PAX3: variants seen among roughly 807,000 people sequenced by gnomAD.
PAX3 encodes the protein paired box 3.
A neutral mutation model predicts 51.6 loss-of-function variants in PAX3; 14 were observed. That is an observed-to-expected ratio of 0.27 (90% CI 0.18 to 0.42). The LOEUF is 0.42. Among genes scored for constraint, PAX3 ranks in the 10% least tolerant of loss-of-function variants. The pLI, the probability that PAX3 is intolerant of heterozygous loss-of-function variation, is 1.00. For synonymous variants in PAX3, 280 were observed against 253.4 expected (o/e 1.11, Z -1.00); for missense variants, 540 against 642.8 (o/e 0.84, Z 1.73).
rs575102449 is a variant in PAX3 at position 222,262,442 on chromosome 2, G to A, written c.587-30159C>T. The A allele has an allele frequency of 9.9e-5, 15 of 152,152 alleles. No homozygotes were observed. In the East Asian group the frequency reaches 2.9e-3, roughly 29 times the overall value. The allele number at this position is 152,152 out of a possible 1,614,324, so 9.4% of individuals were successfully genotyped here. On this transcript the variant is annotated intron_variant, in intron 4 of 8. Transcript: ENST00000392070. ...TTTACTAAAACTGAGCACTTGCATA[G>A]AGGAAAAATTTATAATAAAATGACA...
intron 3 of PAX3, 82 bp from the exon 4 acceptor site, chr2:222,294,383 C>T: frequency 6.6e-7 from 1 of 1,520,262 alleles, no homozygotes; most frequent in South Asian, 1.1e-5. Context: ...CCCCCACCCC[C>T]AAACACCAGC....
At chr2:222,291,097 G>A (rs922433642) in intron 4 of PAX3, among the ~76,000 whole-genome samples, 2 of 152,302 alleles carry the variant, frequency 1.3e-5, no homozygotes, top group Non-Finnish European at 2.9e-5. Flanking sequence ...GAGCACAGGA[G>A]TGGGGGCCCA....
chr2:222,249,652 G>A (rs768297661), intron 4 of PAX3, among the ~76,000 whole-genome samples: 28 of 152,260 alleles, frequency 1.8e-4, no homozygotes, highest in Non-Finnish European at 2.6e-4. Flanking sequence ...ACATGACCAC[G>A]TGACACATTG....
intron 7 of PAX3, among the ~76,000 whole-genome samples, chr2:222,204,230 A>T (rs956502304): frequency 6.6e-6 from 1 of 152,206 alleles, no homozygotes; most frequent in Non-Finnish European, 1.5e-5. Flanking sequence ...ATGGAAAATC[A>T]CTAGAATGTG....
intron 4 of PAX3, among the ~76,000 whole-genome samples, chr2:222,279,200 C>A (rs1013723162): frequency 1.3e-5 from 2 of 152,150 alleles, no homozygotes; most frequent in African/African-American, 4.8e-5. Context: ...GTGATCCGAC[C>A]GCCTGGGCCT....
intron 4 of PAX3, 140 bp downstream of exon 4, chr2:222,294,027 C>G: frequency 6.4e-7 from 1 of 1,553,336 alleles, no homozygotes; most frequent in Middle Eastern, 1.9e-4. Flanking sequence ...AGTTCCATGT[C>G]GTTACTCAGG....
In PAX3 at chr2:222,201,973, G is replaced by C; in HGVS notation, c.1391C>G (p.Thr464Arg). The change falls in exon 8 of 9, where the codon ACA (threonine) becomes AGA (arginine). Residue 464 changes from threonine to arginine, a missense_variant. This residue lies in a region of PAX3 where 427 missense variants were observed against 483.6 expected (regional missense o/e 0.88). Transcript: ENST00000392070. ...STTGYSMDPV[T>R]GYQYGQYGQS... ...TCCATACTGCCCATATTGGTAGCCT[G>C]TGACAGGGTCCATACTGTAGCCTGT... 1 of 1,614,086 alleles carries C rather than the reference G, an allele frequency of 6.2e-7. No homozygotes were observed. The highest frequency in any genetic ancestry group is 8.5e-7 in the Non-Finnish European group (1 of 1,179,998).
chr2:222,224,490 A>G (rs149750736), intron 5 of PAX3, among the ~76,000 whole-genome samples: 120 of 152,312 alleles, frequency 7.9e-4, no homozygotes, highest in African/African-American at 2.6e-3. Context: ...ATTAAAGGAA[A>G]AACACACTAA....
intron 5 of PAX3, among the ~76,000 whole-genome samples, chr2:222,231,245 C>T (rs913915158): frequency 3.9e-5 from 6 of 152,208 alleles, no homozygotes; most frequent in Non-Finnish European, 8.8e-5. Context: ...CTGGAAATAA[C>T]ACACAATATT....
chr2:222,283,131 T>C (rs369259082), intron 4 of PAX3, among the ~76,000 whole-genome samples: 1 of 152,234 alleles, frequency 6.6e-6, no homozygotes, highest in East Asian at 1.9e-4. Flanking sequence ...TGCCAAATGG[T>C]GCTGTCAGAT....
intron 4 of PAX3, among the ~76,000 whole-genome samples, chr2:222,275,478 G>A (rs567168553): frequency 2.5e-4 from 36 of 145,994 alleles, no homozygotes; most frequent in Non-Finnish European, 3.9e-4. Context: ...TGCATTTTAC[G>A]TTGTTAATTT....
At chr2:222,269,485 C>T (rs775154364) in intron 4 of PAX3, among the ~76,000 whole-genome samples, 6 of 152,148 alleles carry the variant, frequency 3.9e-5, no homozygotes, top group Non-Finnish European at 5.9e-5. Flanking sequence ...GTCACCATGG[C>T]TAAAGGCTTC....
At chr2:222,215,567 TG>T (rs1691922086) in intron 7 of PAX3, among the ~76,000 whole-genome samples, 1 of 151,784 alleles carries the variant, frequency 6.6e-6, no homozygotes, top group African/African-American at 2.4e-5. Flanking sequence ...ATGTGTGTCT[TG>T]GGGGTAGGGG....
At chr2:222,276,565 C>A (rs1694428821) in intron 4 of PAX3, among the ~76,000 whole-genome samples, 1 of 152,180 alleles carries the variant, frequency 6.6e-6, no homozygotes, top group South Asian at 2.1e-4. Context: ...GCTGCCACAG[C>A]CTGCTAGAGC....
chr2:222,258,384 T>G (rs1377656488), intron 4 of PAX3, among the ~76,000 whole-genome samples: 2 of 152,234 alleles, frequency 1.3e-5, no homozygotes, highest in African/African-American at 4.8e-5. Context: ...AACAATTTTC[T>G]GATTTCATTA....
intron 4 of PAX3, among the ~76,000 whole-genome samples, chr2:222,286,655 T>G (rs1308510975): frequency 2.6e-5 from 4 of 152,258 alleles, no homozygotes; most frequent in Non-Finnish European, 5.9e-5. Flanking sequence ...TTTCTCAAGA[T>G]TTTCCTTTCC....
intron 4 of PAX3, among the ~76,000 whole-genome samples, chr2:222,235,245 A>G (rs1276465534): frequency 6.6e-6 from 1 of 152,212 alleles, no homozygotes; most frequent in Non-Finnish European, 1.5e-5. Flanking sequence ...AACATTCCCC[A>G]GAATATAAAC....
At chr2:222,260,492 T>C (rs1480545286) in intron 4 of PAX3, among the ~76,000 whole-genome samples, 1 of 150,890 alleles carries the variant, frequency 6.6e-6, no homozygotes. Context: ...TACACATGTC[T>C]CTATTTCAAT....
chr2:222,287,196 T>A (rs1398497076), intron 4 of PAX3, among the ~76,000 whole-genome samples: 2 of 152,240 alleles, frequency 1.3e-5, no homozygotes, highest in East Asian at 3.8e-4. Context: ...CAAAACTATC[T>A]TTCCCAACAG....
Sources: gnomAD v4.1 joint callset for allele counts (sites outside exome capture counted in the v4.1 genomes callset) on GRCh38, gnomAD v4.1.1 for gene constraint, gnomAD v4.1.1 regional missense constraint, MANE v1.5 for transcripts, NCBI Gene and HGNC (gene_info 2026-07-23, HGNC 2026-07-21) for gene names.